Variants in ABCB5 observed in about 807,000 individuals in gnomAD.
ABCB5 encodes ATP-binding cassette sub-family B member 5.
ABCB5 carries 155 observed loss-of-function variants against 144.2 expected under a neutral mutation model. That is an observed-to-expected ratio of 1.08 (90% CI 0.94 to 1.23). The LOEUF is 1.23. Among genes scored for constraint, ABCB5 ranks in the 50% most tolerant of loss-of-function variants. ABCB5 has a pLI of 0.00. For synonymous variants in ABCB5, 610 were observed against 528.6 expected (o/e 1.15, Z -2.11); for missense variants, 1,830 against 1,520.8 (o/e 1.20, Z -3.38).
At chr7:20,681,455 T>A (rs1409359331) in intron 14 of ABCB5, 50 bp from the exon 15 acceptor site, 1 of 1,595,260 alleles carries the variant, frequency 6.3e-7, no homozygotes, top group Non-Finnish European at 8.6e-7. Context: ...AGTGCAAAGG[T>A]TGTTATTTCT....
At chr7:20,655,102 A>AG (rs1784733259) in intron 13 of ABCB5, among the ~76,000 whole-genome samples, 1 of 127,426 alleles carries the variant, frequency 7.8e-6, no homozygotes, top group African/African-American at 3.1e-5. Context: ...AGAGAGAGAA[A>AG]AGAGATGGCC....
chr7:20,641,772 C>G (rs1784301889), intron 5 of ABCB5: 1 of 152,278 alleles, frequency 6.6e-6, no homozygotes, highest in African/African-American at 2.4e-5. Context: ...GCTCTTCAGG[C>G]AGGTCAAATT....
intron 1 of ABCB5, among the ~76,000 whole-genome samples, chr7:20,616,783 A>G (rs144523860): frequency 1.3e-5 from 2 of 152,340 alleles, no homozygotes; most frequent in East Asian, 3.9e-4. Context: ...ACATTGGGTA[A>G]CAGAGAGGAA....
At chr7:20,683,415 T>A (rs1445471170) in intron 15 of ABCB5, among the ~76,000 whole-genome samples, 1 of 152,148 alleles carries the variant, frequency 6.6e-6, no homozygotes, top group Non-Finnish European at 1.5e-5. Context: ...CTAATATGAG[T>A]TGGAATAATA....
intron 23 of ABCB5, among the ~76,000 whole-genome samples, chr7:20,729,338 C>T (rs1782137711): frequency 6.6e-6 from 1 of 152,178 alleles, no homozygotes; most frequent in African/African-American, 2.4e-5. Flanking sequence ...TTATGAAACT[C>T]TCAGTGTGGA....
intron 14 of ABCB5, among the ~76,000 whole-genome samples, chr7:20,661,183 C>T (rs1198903407): frequency 6.6e-6 from 1 of 152,226 alleles, no homozygotes; most frequent in African/African-American, 2.4e-5. Flanking sequence ...GTAAAAGCCA[C>T]ATTCCTTACA....
chr7:20,647,063 T>G (rs1197301399), intron 9 of ABCB5, among the ~76,000 whole-genome samples: 1 of 152,184 alleles, frequency 6.6e-6, no homozygotes, highest in Non-Finnish European at 1.5e-5. Flanking sequence ...AATGGACAGC[T>G]GTCCCCTAAT....
intron 14 of ABCB5, among the ~76,000 whole-genome samples, chr7:20,669,164 C>G (rs1415061653): frequency 2.0e-5 from 3 of 149,412 alleles, no homozygotes; most frequent in South Asian, 2.2e-4. Context: ...CGCTTCTGCC[C>G]GGCCGCCCCT....
intron 1 of ABCB5, among the ~76,000 whole-genome samples, chr7:20,622,536 T>C (rs952851182): frequency 7.2e-5 from 11 of 152,264 alleles, no homozygotes; most frequent in Non-Finnish European, 1.6e-4. Context: ...CACTTTAAAG[T>C]TTAAAGCCAT....
Position 20,647,554 on chromosome 7 carries a change from A to C in ABCB5, c.1001A>C (p.His334Pro), listed in dbSNP as rs1021183707. Residue 334 changes from histidine (H) to proline (P), a missense_variant, in exon 10 of 28, where the codon CAT becomes CCT. Physicochemically the swap from His to Pro is moderately conservative, Grantham distance 77. Transcript: ENST00000404938. ...CTGTAGGTTTTCTTTAGTGTAATCC[A>C]TAGCAGTTATTGCATTGGAGCAGCA... is the stretch of plus-strand genomic sequence containing the variant. ...TVLAVFFSVIHSSYCIGAAVP... is the reference protein window; with the variant it reads ...TVLAVFFSVIPSSYCIGAAVP... 9 of 1,582,454 alleles carry C rather than the reference A, an allele frequency of 5.7e-6. No individual in the cohort carries two copies. The East Asian group carries it at 2.0e-4, about 36-fold the overall frequency.
At chr7:20,642,835 T>C (rs1784322808) in intron 5 of ABCB5, among the ~76,000 whole-genome samples, 1 of 152,232 alleles carries the variant, frequency 6.6e-6, no homozygotes, top group African/African-American at 2.4e-5. Context: ...CAAATGCTTT[T>C]GACTGCTATC....
At chr7:20,671,239 T>C (rs762744915) in intron 14 of ABCB5, among the ~76,000 whole-genome samples, 17 of 152,240 alleles carry the variant, frequency 1.1e-4, no homozygotes, top group Non-Finnish European at 2.4e-4. Flanking sequence ...TCAGTCTCAT[T>C]CAGGATTCCT....
intron 23 of ABCB5, among the ~76,000 whole-genome samples, chr7:20,737,440 C>T (rs1422055921): frequency 6.6e-6 from 1 of 152,166 alleles, no homozygotes; most frequent in African/African-American, 2.4e-5. Context: ...GGCCCTTCTC[C>T]CTTTCTCATT....
chr7:20,735,198 T>C (rs1782345647), intron 23 of ABCB5, among the ~76,000 whole-genome samples: 1 of 152,202 alleles, frequency 6.6e-6, no homozygotes, highest in Admixed American at 6.5e-5. Context: ...GAAAACTGCC[T>C]GAGAAGCAGA....
At chr7:20,635,799 G>C (rs561276265) in intron 5 of ABCB5, among the ~76,000 whole-genome samples, 226 of 152,046 alleles carry the variant, frequency 1.5e-3, no homozygotes, top group African/African-American at 5.4e-3. Flanking sequence ...GGAGTATTTT[G>C]GTGGAATTGT....
chr7:20,619,624 T>C (rs1421008497), intron 1 of ABCB5, among the ~76,000 whole-genome samples: 2 of 152,128 alleles, frequency 1.3e-5, no homozygotes, highest in African/African-American at 4.8e-5. Flanking sequence ...TCTCATTTTG[T>C]AGGTTATGTG....
intron 26 of ABCB5, among the ~76,000 whole-genome samples, chr7:20,749,211 T>G (rs1231517425): frequency 4.8e-5 from 2 of 42,056 alleles, no homozygotes; most frequent in African/African-American, 1.0e-4. Flanking sequence ...CCTCCCTCCC[T>G]CCCTCCCCCT....
Position 20,699,490 on chromosome 7 carries a change from C to A in ABCB5, c.2155-335C>A, listed in dbSNP as rs935434611. ...CGGAGGCAGCCGGATCACTTGAGGTCAAGAGCTTGAGACCAGCCTGCCCAG... is the reference window on the plus strand; with the variant it reads ...CGGAGGCAGCCGGATCACTTGAGGTAAAGAGCTTGAGACCAGCCTGCCCAG... On this transcript the variant is annotated intron_variant, in intron 17 of 27. Transcript: ENST00000404938. 2.6e-5 allele frequency among the ~76,000 whole-genome samples: 4 copies of A among 151,946 alleles called. No individual in the cohort carries two copies. In the East Asian group the frequency reaches 7.7e-4, roughly 29 times the overall value.
intron 5 of ABCB5, among the ~76,000 whole-genome samples, chr7:20,635,183 T>C (rs1784128492): frequency 6.6e-6 from 1 of 152,160 alleles, no homozygotes; most frequent in Admixed American, 6.6e-5. Context: ...TGTATGTTTT[T>C]GTTGGCTTTG....
Sources: gnomAD v4.1 joint callset for allele counts (sites outside exome capture counted in the v4.1 genomes callset) on GRCh38, gnomAD v4.1.1 for gene constraint, MANE v1.5 for transcripts, NCBI Gene and HGNC (gene_info 2026-07-23, HGNC 2026-07-21) for gene names.